The following NEMP2 variants were observed in gnomAD, a reference collection of about 807,000 sequenced individuals.
The protein encoded by NEMP2 is UPF0571 transmembrane protein.
Under a neutral mutation model 54.2 loss-of-function variants are expected in NEMP2, and 53 were observed. The ratio of observed to expected loss-of-function variants is 0.98; its 90% CI spans 0.78 to 1.23. The LOEUF is 1.23. NEMP2 is among the 50% of genes most tolerant of loss of function. The pLI is 0.00. For synonymous variants in NEMP2, 197 were observed against 190.3 expected, an observed-to-expected ratio of 1.04 and a Z score of -0.29; for missense variants, 455 against 511.3, an observed-to-expected ratio of 0.89 and a Z score of 1.06.
chr2:190,482,868 C>CTTTTTTTT, the NEMP2 span, among the ~76,000 whole-genome samples: 42 of 48,276 alleles, frequency 8.7e-4, 10 homozygotes, highest in East Asian at 1.4e-3. Flanking sequence ...AGACTATCAT[C>CTTTTTTTT]TTTTTTTTTT....
the NEMP2 span, among the ~76,000 whole-genome samples, chr2:190,614,661 C>T: frequency 6.6e-6 from 1 of 152,192 alleles, no homozygotes; most frequent in Non-Finnish European, 1.5e-5. This position sits in a 1 kb window ranked among gnomAD's most constrained non-coding sequence, Gnocchi z 5.7. Flanking sequence ...AAGACAGATA[C>T]ACAAATAAGT....
At chr2:190,572,836 TATATATATATATATATA>T in the NEMP2 span, among the ~76,000 whole-genome samples, 795 of 93,916 alleles carry the variant, frequency 8.5e-3, 19 homozygotes, top group African/African-American at 0.03. Flanking sequence ...TTCATGAGTA[TATATATATATATATATA>T]TATATATATA....
the NEMP2 span, chr2:190,497,872 C>G: frequency 1.1e-6 from 1 of 893,048 alleles, no homozygotes; most frequent in Non-Finnish European, 1.7e-6. The surrounding 1 kb of genome is among the most constrained non-coding windows in gnomAD (Gnocchi z 5.2). Flanking sequence ...TCTGTGAGCA[C>G]TGAGTTAAAG....
the NEMP2 span, among the ~76,000 whole-genome samples, chr2:190,636,318 T>A: frequency 1.3e-5 from 2 of 152,334 alleles, no homozygotes; most frequent in African/African-American, 4.8e-5. Flanking sequence ...ATTTTTGGAT[T>A]TTCTCATTCT....
At chr2:190,436,004 A>G in the NEMP2 span, 24 of 1,580,150 alleles carry the variant, frequency 1.5e-5, no homozygotes, top group Admixed American at 1.9e-5. This position sits in a 1 kb window ranked among gnomAD's most constrained non-coding sequence, Gnocchi z 5.3. Flanking sequence ...TGAAGTTTGT[A>G]AACTTGCTGA....
chr2:190,556,322 C>A, the NEMP2 span, among the ~76,000 whole-genome samples: 1 of 152,128 alleles, frequency 6.6e-6, no homozygotes, highest in African/African-American at 2.4e-5. Context: ...ATTGATGGAA[C>A]GTATCTCAAA....
chr2:190,492,024 G>A, the NEMP2 span, among the ~76,000 whole-genome samples: 1 of 152,208 alleles, frequency 6.6e-6, no homozygotes, highest in Non-Finnish European at 1.5e-5. The surrounding 1 kb of genome is among the most constrained non-coding windows in gnomAD (Gnocchi z 5.2). Context: ...GTTCTGGAAA[G>A]TCTCAGCAAC....
chr2:190,525,376 G>C lies in NEMP2; in HGVS notation c.100C>G (p.Arg34Gly). 3 of 1,497,960 alleles carry C rather than the reference G, an allele frequency of 2.0e-6. No homozygotes were observed. Among genetic ancestry groups the C allele is most frequent in the Non-Finnish European group, 2.7e-6 (3 of 1,102,216 alleles). The allele number at this position is 1,497,960 out of a possible 1,614,324, so 92.8% of individuals were successfully genotyped here. A position where few individuals can be genotyped will look rare whatever the true frequency, so the allele number is the denominator to read the frequency against. ...GEAAAAALSV[R>G]RCKALKEKDL... The stretch of plus-strand genomic sequence containing the variant: ...TTTTCCTTCAAAGCTTTACACCTAC[G>C]AACTGAGAGATGGAAAAGGGAATGC... Residue 34 changes from arginine (R) to glycine (G), a missense_variant and splice_region_variant, in exon 2 of 9, where the codon CGT (arginine) becomes GGT (glycine). Arg to Gly is a moderately radical substitution (Grantham distance 125). Around this residue, in one of 3 missense-constraint regions of NEMP2, gnomAD observed 100 missense variants for 80.2 expected, o/e 1.25. Coordinates refer to ENST00000409150, the MANE Select transcript of NEMP2 (RefSeq NM_001142645.2). The surrounding 1 kb of genome is among the most constrained non-coding windows in gnomAD (Gnocchi z 5.0).
chr2:190,479,912 T>A, the NEMP2 span, among the ~76,000 whole-genome samples: 1 of 152,214 alleles, frequency 6.6e-6, no homozygotes, highest in Non-Finnish European at 1.5e-5. Flanking sequence ...TATAAAGCGT[T>A]ATTCTGTTTG....
At chr2:190,427,924 G>T in the NEMP2 span, among the ~76,000 whole-genome samples, 2 of 152,108 alleles carry the variant, frequency 1.3e-5, no homozygotes, top group African/African-American at 2.4e-5. Context: ...TAGAGATGGG[G>T]TTTCACCACG....
the NEMP2 span, chr2:190,609,316 G>A: frequency 6.6e-6 from 1 of 151,888 alleles, no homozygotes; most frequent in South Asian, 2.1e-4. The surrounding 1 kb of genome is among the most constrained non-coding windows in gnomAD (Gnocchi z 4.7). Context: ...GCCTCAGTAA[G>A]TTTACTTAAT....
intron 4 of NEMP2, among the ~76,000 whole-genome samples, chr2:190,518,224 G>A (rs774674719): frequency 6.6e-5 from 10 of 152,132 alleles, no homozygotes; most frequent in Non-Finnish European, 1.5e-4. Flanking sequence ...CAAAACATCA[G>A]AATAATATGT....
At position 190,514,369 on chromosome 2, in the gene NEMP2, A is replaced by G; in HGVS notation, c.953+84T>C. 8.1e-7 allele frequency: 1 copy of G among 1,228,862 alleles called. No individual in the cohort carries two copies. Among genetic ancestry groups the G allele is most frequent in the Non-Finnish European group, 1.2e-6 (1 of 859,856 alleles). 76.1% of individuals were successfully genotyped at this position (1,228,862 alleles called of 1,614,324 possible). ...CAGATCAAATGTAATTATGAGATTA[A>G]CATGATGTGTGCAAACACTCTCCCA... is the stretch of plus-strand genomic sequence containing the variant. On this transcript the variant is annotated intron_variant, in intron 7 of 8. Transcript: ENST00000409150. This position sits in a 1 kb window ranked among gnomAD's most constrained non-coding sequence, Gnocchi z 5.7.
At chr2:190,496,499 GAA>G in the NEMP2 span, among the ~76,000 whole-genome samples, 1 of 152,140 alleles carries the variant, frequency 6.6e-6, no homozygotes, top group East Asian at 1.9e-4. The surrounding 1 kb of genome is among the most constrained non-coding windows in gnomAD (Gnocchi z 4.7). Flanking sequence ...CAGAGGAAAA[GAA>G]GTCATTATAT....
intron 6 of NEMP2, among the ~76,000 whole-genome samples, chr2:190,515,992 T>C (rs989635280): frequency 6.6e-6 from 1 of 152,118 alleles, no homozygotes; most frequent in African/African-American, 2.4e-5. Flanking sequence ...CAGAAGCATG[T>C]GCATTCAAAA....
the NEMP2 span, among the ~76,000 whole-genome samples, chr2:190,578,700 ATG>A: frequency 2.0e-5 from 3 of 149,902 alleles, no homozygotes; most frequent in Non-Finnish European, 4.4e-5. The surrounding 1 kb of genome is among the most constrained non-coding windows in gnomAD (Gnocchi z 4.4). Flanking sequence ...TGTGTGCAGA[ATG>A]TGTGTTAGGG....
At chr2:190,554,652 C>G in the NEMP2 span, among the ~76,000 whole-genome samples, 1 of 152,218 alleles carries the variant, frequency 6.6e-6, no homozygotes, top group African/African-American at 2.4e-5. This position sits in a 1 kb window ranked among gnomAD's most constrained non-coding sequence, Gnocchi z 5.7. Flanking sequence ...AGGCAACAGT[C>G]CCAGTCAGGG....
At chr2:190,549,076 A>G in the NEMP2 span, among the ~76,000 whole-genome samples, 3 of 152,206 alleles carry the variant, frequency 2.0e-5, no homozygotes, top group African/African-American at 7.2e-5. Context: ...TATCTATTGA[A>G]AAACTAGAGC....
At chr2:190,579,921 C>T in the NEMP2 span, among the ~76,000 whole-genome samples, 1 of 152,218 alleles carries the variant, frequency 6.6e-6, no homozygotes, top group Non-Finnish European at 1.5e-5. Flanking sequence ...CCAGTTCAGA[C>T]ATATCCCAGG....
Sources: allele counts gnomAD v4.1 joint callset (sites outside exome capture counted in the v4.1 genomes callset), GRCh38; gene constraint gnomAD v4.1.1; regional missense constraint gnomAD v4.1.1; non-coding constraint Gnocchi (gnomAD v3.1); transcripts MANE v1.5; gene names NCBI Gene and HGNC (gene_info 2026-07-23, HGNC 2026-07-21).